The following DAB2 variants were observed in gnomAD, a reference collection of about 807,000 sequenced individuals.
DAB2 encodes the protein DAB adaptor protein 2.
Under a neutral mutation model 71.6 loss-of-function variants are expected in DAB2, and 28 were observed. The ratio of observed to expected loss-of-function variants is 0.39; its 90% CI spans 0.29 to 0.54. The LOEUF (loss-of-function observed/expected upper bound fraction) is 0.54. DAB2 is among the 20% of genes least tolerant of loss of function. DAB2 has a pLI of 0.68. For missense variants in DAB2, 867 were observed against 928.8 expected, an observed-to-expected ratio of 0.93 and a Z score of 0.86; for synonymous variants, 345 against 339.7, an observed-to-expected ratio of 1.02 and a Z score of -0.17.
chr5:39,379,441 C>G (rs1035834662), intron 11 of DAB2, among the ~76,000 whole-genome samples: 4 of 26,936 alleles, frequency 1.5e-4, no homozygotes, highest in Non-Finnish European at 3.5e-4. Context: ...GAGACTCTGT[C>G]TCAAAAAAAA....
At chr5:39,378,214 A>G (rs918829354) in intron 11 of DAB2, among the ~76,000 whole-genome samples, 16 of 152,184 alleles carry the variant, frequency 1.1e-4, no homozygotes, top group African/African-American at 3.9e-4. Flanking sequence ...GGCCTCTCCA[A>G]TGATGGCCTC....
intron 1 of DAB2, among the ~76,000 whole-genome samples, chr5:39,396,446 T>C (rs1755372314): frequency 6.6e-6 from 1 of 152,226 alleles, no homozygotes; most frequent in South Asian, 2.1e-4. Context: ...TCTCCTTGAA[T>C]GTAGGAGACT....
intron 9 of DAB2, among the ~76,000 whole-genome samples, chr5:39,384,885 A>G (rs1755062069): frequency 6.6e-6 from 1 of 152,106 alleles, no homozygotes; most frequent in Non-Finnish European, 1.5e-5. Context: ...AATACTAAAT[A>G]TTTTGATCAT....
At chr5:39,379,030 G>A (rs977100660) in intron 11 of DAB2, among the ~76,000 whole-genome samples, 5 of 152,166 alleles carry the variant, frequency 3.3e-5, no homozygotes, top group Non-Finnish European at 7.3e-5. Context: ...ACAGAAGCCA[G>A]ATCACTTGCT....
intron 5 of DAB2, 129 bp from the exon 6 acceptor site, chr5:39,390,061 C>T (rs1755190719): frequency 1.5e-6 from 1 of 676,108 alleles, no homozygotes; most frequent in African/African-American, 1.9e-5. Context: ...CCTCTGCTGG[C>T]TTATAGGGGA....
intron 11 of DAB2, among the ~76,000 whole-genome samples, chr5:39,378,553 T>C (rs1206620578): frequency 6.6e-6 from 1 of 152,232 alleles, no homozygotes; most frequent in Non-Finnish European, 1.5e-5. Flanking sequence ...GAGACATTGG[T>C]ATTACCTGAC....
intron 4 of DAB2, 45 bp downstream of exon 4, chr5:39,392,320 C>A: frequency 1.4e-6 from 2 of 1,454,182 alleles, no homozygotes; most frequent in South Asian, 2.3e-5. Context: ...AATTGTTGGT[C>A]AGACTCAGGT....
Position 39,377,179 on chromosome 5 carries a change from T to C in DAB2, c.1608A>G (p.Gln536=). The C allele has an allele frequency of 1.2e-6, 2 of 1,614,036 alleles. No individual in the cohort carries two copies. The highest frequency in any genetic ancestry group is 8.5e-7 in the Non-Finnish European group (1 of 1,179,970). Residue 536 remains glutamine (Q), a synonymous_variant, in exon 12 of 15, where the codon CAA becomes CAG. Coordinates refer to ENST00000320816, the MANE Select transcript of DAB2 (RefSeq NM_001343.4). ...SMAPGAMMGG[Q]PSGFSQPVIF... ...TGACGGGCTGACTAAAACCTGAAGG[T>C]TGACCACCCATCATGGCTCCCGGAG...
intron 5 of DAB2, 133 bp from the exon 6 acceptor site, chr5:39,390,065 T>C (rs563047614): frequency 2.1e-5 from 14 of 669,274 alleles, no homozygotes; most frequent in East Asian, 1.1e-4. Flanking sequence ...TGCTGGCTTA[T>C]AGGGGATCAC....
At chr5:39,394,736 C>A (rs368735849) in intron 1 of DAB2, among the ~76,000 whole-genome samples, 1 of 137,318 alleles carries the variant, frequency 7.3e-6, no homozygotes. Context: ...AGATAGGGAT[C>A]GAAAACTTGC....
chr5:39,413,965 G>C (rs1755788730), intron 1 of DAB2, among the ~76,000 whole-genome samples: 1 of 152,122 alleles, frequency 6.6e-6, no homozygotes, highest in Non-Finnish European at 1.5e-5. Flanking sequence ...ACATAGAACA[G>C]TGCCCATAGT....
At chr5:39,412,232 G>A (rs936166123) in intron 1 of DAB2, among the ~76,000 whole-genome samples, 4 of 152,086 alleles carry the variant, frequency 2.6e-5, no homozygotes, top group African/African-American at 9.7e-5. Flanking sequence ...CCTAGATTTT[G>A]CTGTGAAACC....
At chr5:39,394,169 A>C (rs559975517) in intron 2 of DAB2, 61 bp downstream of exon 2, 1 of 1,362,320 alleles carries the variant, frequency 7.3e-7, no homozygotes, top group Non-Finnish European at 1.0e-6. Flanking sequence ...TGAATCTCAC[A>C]TTTCTCCAGG....
At chr5:39,390,677 A>G in intron 4 of DAB2, 102 bp from the exon 5 acceptor site, 1 of 784,932 alleles carries the variant, frequency 1.3e-6, no homozygotes, top group Non-Finnish European at 2.0e-6. Context: ...ATATATGAAA[A>G]GTTTAAACCA....
At position 39,424,269 on chromosome 5, in the gene DAB2, G is replaced by A. The variant is rs528117685; in HGVS notation, c.-102+535C>T. On this transcript the variant is annotated intron_variant, in intron 1 of 14. Coordinates refer to ENST00000320816, the MANE Select transcript of DAB2 (RefSeq NM_001343.4). ...ACAAGTTTCTTAAGTCCCTTGGGTA[G>A]ATACTTCCTTAGGAATGCCGGTGTA... Among the ~76,000 whole-genome samples the A allele has an allele frequency of 9.2e-5, 14 of 152,226 alleles. No individual in the cohort carries two copies. In the East Asian group the frequency reaches 2.5e-3, roughly 27 times the overall value.
rs1754904539 is a variant in DAB2 at position 39,379,413 on chromosome 5, C to T, written c.1504+2041G>A. On this transcript the variant is annotated intron_variant, in intron 11 of 14. Coordinates refer to ENST00000320816, the MANE Select transcript of DAB2 (RefSeq NM_001343.4). ...GAGCTGAGACAGCACCACTGCACTC[C>T]AGCCTGGGTGACAGAGTGAGACTCT... is the stretch of plus-strand genomic sequence containing the variant. Among the ~76,000 whole-genome samples, 3 of 125,576 alleles carry T rather than the reference C, an allele frequency of 2.4e-5. No individual in the cohort carries two copies. In the South Asian group the frequency reaches 7.6e-4, roughly 32 times the overall value. 82.4% of individuals were successfully genotyped at this position (125,576 alleles called of 152,430 possible). A position where few individuals can be genotyped will look rare whatever the true frequency, so the allele number is the denominator to read the frequency against.
chr5:39,376,401 T>G (rs970831544), intron 12 of DAB2, among the ~76,000 whole-genome samples: 2 of 152,166 alleles, frequency 1.3e-5, no homozygotes, highest in Non-Finnish European at 2.9e-5. Context: ...CACATTTCAA[T>G]AGCTCATGGC....
At chr5:39,418,757 C>T (rs1755906415) in intron 1 of DAB2, among the ~76,000 whole-genome samples, 1 of 152,194 alleles carries the variant, frequency 6.6e-6, no homozygotes, top group South Asian at 2.1e-4. Context: ...TAGAATTTAG[C>T]TTGCCTGATA....
intron 4 of DAB2, 36 bp from the exon 5 acceptor site, chr5:39,390,611 A>C (rs1755204741): frequency 6.5e-7 from 1 of 1,550,298 alleles, no homozygotes; most frequent in Non-Finnish European, 8.8e-7. Context: ...TTATTAAGAA[A>C]ACTAGAATCT....
Sources: gnomAD v4.1 joint callset for allele counts (sites outside exome capture counted in the v4.1 genomes callset) on GRCh38, gnomAD v4.1.1 for gene constraint, MANE v1.5 for transcripts, NCBI Gene and HGNC (gene_info 2026-07-23, HGNC 2026-07-21) for gene names.